The following DCDC2 variants were observed in gnomAD, a reference collection of about 807,000 sequenced individuals.
DCDC2 encodes the protein doublecortin domain containing 2.
DCDC2 carries 40 observed loss-of-function variants against 50.2 expected under a neutral mutation model. The observed-to-expected ratio is 0.80, with a 90% CI of 0.62 to 1.04. The LOEUF is 1.04. DCDC2 is among the 50% of genes least tolerant of loss of function. DCDC2 has a pLI of 0.00. For synonymous variants in DCDC2, 234 were observed against 210.6 expected (o/e 1.11, Z -0.96); for missense variants, 570 against 581.9 (o/e 0.98, Z 0.21).
At chr6:24,287,619 G>A (rs534479115) in intron 6 of DCDC2, among the ~76,000 whole-genome samples, 37 of 152,334 alleles carry the variant, frequency 2.4e-4, no homozygotes, top group South Asian at 8.3e-4. Context: ...GTCAGCCAGC[G>A]TGACTGCTTC....
chr6:24,307,951 C>T (rs1159339334), intron 2 of DCDC2, among the ~76,000 whole-genome samples: 1 of 152,084 alleles, frequency 6.6e-6, no homozygotes, highest in Non-Finnish European at 1.5e-5. Flanking sequence ...GTGATGAACC[C>T]TTTCTAAGGG....
At chr6:24,317,088 C>G (rs909450929) in intron 2 of DCDC2, among the ~76,000 whole-genome samples, 1 of 149,592 alleles carries the variant, frequency 6.7e-6, no homozygotes, top group Non-Finnish European at 1.5e-5. Flanking sequence ...TACATGCATA[C>G]ATCTGTATTT....
At position 24,264,218 on chromosome 6, in the gene DCDC2, T is replaced by C. The variant is rs140742229; in HGVS notation, c.922+13831A>G. ...GATTTTATCAATACCAGACCTATCT[T>C]ACAAGAAATGCTAAACGTAGTTCTT... is the stretch of plus-strand genomic sequence containing the variant. On this transcript the variant is annotated intron_variant, in intron 7 of 9. Transcript: ENST00000378454. Among the ~76,000 whole-genome samples, 574 of 152,306 alleles carry C rather than the reference T, an allele frequency of 3.8e-3. 7 individuals carry two copies. Among genetic ancestry groups the C allele is most frequent in the African/African-American group, 0.013 (555 of 41,570 alleles).
intron 7 of DCDC2, among the ~76,000 whole-genome samples, chr6:24,233,904 T>A (rs956785093): frequency 3.3e-5 from 5 of 152,222 alleles, no homozygotes; most frequent in Admixed American, 6.5e-5. Context: ...TCAATGATTA[T>A]TTTACTCAAC....
rs1231564202 is a variant in DCDC2, at chr6:24,174,541, G to T, written c.*189C>A. The T allele has an allele frequency of 2.3e-6, 1 of 435,564 alleles. No homozygotes were observed. The highest frequency in any genetic ancestry group is 4.1e-6 in the Non-Finnish European group (1 of 244,578). 27.0% of individuals were successfully genotyped at this position (435,564 alleles called of 1,614,324 possible). On this transcript the variant is annotated 3_prime_UTR_variant, in exon 10 of 10. Coordinates refer to ENST00000378454, the MANE Select transcript of DCDC2 (RefSeq NM_016356.5). ...GACTTTTAAAACACATGCAATAAAAGTAAGTAATTATCCTTTAGTAGCCAT... is the reference window on the plus strand; with the variant it reads ...GACTTTTAAAACACATGCAATAAAATTAAGTAATTATCCTTTAGTAGCCAT...
intron 4 of DCDC2, among the ~76,000 whole-genome samples, chr6:24,301,237 G>C (rs886139141): frequency 6.6e-6 from 1 of 151,862 alleles, no homozygotes; most frequent in Non-Finnish European, 1.5e-5. Flanking sequence ...CGGGCGTGGT[G>C]GTGGGCGCCT....
chr6:24,185,911 A>T (rs1250712357), intron 8 of DCDC2, among the ~76,000 whole-genome samples: 1 of 152,192 alleles, frequency 6.6e-6, no homozygotes, highest in Non-Finnish European at 1.5e-5. Context: ...ACTGAAGAGG[A>T]ATCTGGTACC....
chr6:24,361,100 T>C (rs892483733), upstream of DCDC2, among the ~76,000 whole-genome samples: 1 of 152,186 alleles, frequency 6.6e-6, no homozygotes, highest in South Asian at 2.1e-4. Context: ...ATTTCTGTTC[T>C]GAAGAAATAT....
At chr6:24,363,357 A>T in the DCDC2 span, among the ~76,000 whole-genome samples, 3 of 152,136 alleles carry the variant, frequency 2.0e-5, no homozygotes, top group East Asian at 3.9e-4. Context: ...AAAAATTATC[A>T]GGGCATAGTG....
At chr6:24,196,736 T>G (rs570561604) in intron 8 of DCDC2, among the ~76,000 whole-genome samples, 1 of 152,292 alleles carries the variant, frequency 6.6e-6, no homozygotes, top group South Asian at 2.1e-4. Context: ...CAATAAGACC[T>G]ATCTGACAGG....
At chr6:24,184,631 C>T (rs1440229762) in intron 8 of DCDC2, among the ~76,000 whole-genome samples, 1 of 151,922 alleles carries the variant, frequency 6.6e-6, no homozygotes, top group Non-Finnish European at 1.5e-5. Flanking sequence ...TTGGGAATTT[C>T]TATCACTGAC....
rs1255041049 is a variant in DCDC2 at position 24,266,206 on chromosome 6, A to C, written c.922+11843T>G. Among the ~76,000 whole-genome samples, 3 of 152,208 alleles carry C rather than the reference A, an allele frequency of 2.0e-5. No individual in the cohort carries two copies. The South Asian group carries it at 6.2e-4, about 32-fold the overall frequency. On this transcript the variant is annotated intron_variant, in intron 7 of 9. Coordinates refer to ENST00000378454, the MANE Select transcript of DCDC2 (RefSeq NM_016356.5). ...ACAAAAATAAAATCAAAATGGATTAAAGATTTAAATTTAAAACCTCAAACT... is the reference window on the plus strand; with the variant it reads ...ACAAAAATAAAATCAAAATGGATTACAGATTTAAATTTAAAACCTCAAACT...
the DCDC2 span, among the ~76,000 whole-genome samples, chr6:24,380,165 TG>T: frequency 6.6e-6 from 1 of 152,114 alleles, no homozygotes; most frequent in Non-Finnish European, 1.5e-5. Context: ...ATTGTGCACG[TG>T]TATCCTAGAA....
intron 7 of DCDC2, among the ~76,000 whole-genome samples, chr6:24,246,611 G>T (rs527430552): frequency 1.4e-5 from 2 of 145,976 alleles, no homozygotes; most frequent in Admixed American, 7.1e-5. Flanking sequence ...CTCAGCCTCC[G>T]GAGTAGCTGG....
intron 8 of DCDC2, among the ~76,000 whole-genome samples, chr6:24,181,686 T>TA (rs541711065): frequency 4.1e-4 from 63 of 152,128 alleles, no homozygotes; most frequent in Middle Eastern, 3.4e-3. Context: ...TTAAAAGACA[T>TA]AAATAAATGG....
chr6:24,198,247 T>C (rs1761489980), intron 8 of DCDC2, among the ~76,000 whole-genome samples: 1 of 150,406 alleles, frequency 6.6e-6, no homozygotes, highest in Non-Finnish European at 1.5e-5. Context: ...GGTTTGCAGC[T>C]CCCAGTGAGA....
chr6:24,298,516 T>C (rs1035354711), intron 4 of DCDC2, among the ~76,000 whole-genome samples: 1 of 152,208 alleles, frequency 6.6e-6, no homozygotes, highest in African/African-American at 2.4e-5. Flanking sequence ...AGTATCTCCA[T>C]AACCCTGGGC....
chr6:24,215,223 G>C (rs1000943895), intron 7 of DCDC2, among the ~76,000 whole-genome samples: 1 of 152,204 alleles, frequency 6.6e-6, no homozygotes, highest in African/African-American at 2.4e-5. Context: ...CTGGACAGAA[G>C]AATCAGCATA....
chr6:24,353,154 G>A (rs1255294510), intron 2 of DCDC2: 3 of 362,098 alleles, frequency 8.3e-6, no homozygotes, highest in Non-Finnish European at 1.6e-5. Context: ...CATCTCCTTT[G>A]AAAGCCTCAG....
Sources: allele counts gnomAD v4.1 joint callset (sites outside exome capture counted in the v4.1 genomes callset), GRCh38; gene constraint gnomAD v4.1.1; transcripts MANE v1.5; gene names NCBI Gene and HGNC (gene_info 2026-07-23, HGNC 2026-07-21).